The following ZFHX3 variants were observed in gnomAD, a reference collection of about 807,000 sequenced individuals.
ZFHX3 encodes the protein zinc finger homeobox protein 3.
A neutral mutation model predicts 279.1 loss-of-function variants in ZFHX3; 42 were observed. That is an observed-to-expected ratio of 0.15 (90% confidence interval 0.12 to 0.19). ZFHX3 has a LOEUF of 0.19. ZFHX3 is among the 10% of genes least tolerant of loss of function. ZFHX3 has a pLI of 1.00. For missense variants in ZFHX3, 4,981 were observed against 4,754.0 expected (o/e 1.05, Z -1.40); for synonymous variants, 2,293 against 1,957.8 (o/e 1.17, Z -4.52).
chr16:73,589,706 C>A (rs2051971427), intron 2 of ZFHX3, among the ~76,000 whole-genome samples: 1 of 115,912 alleles, frequency 8.6e-6, no homozygotes, highest in African/African-American at 3.2e-5. Flanking sequence ...CTCCATCCAG[C>A]CTGGGTGACA....
At chr16:73,035,911 A>G (rs1964884373) in intron 1 of ZFHX3, among the ~76,000 whole-genome samples, 1 of 152,174 alleles carries the variant, frequency 6.6e-6, no homozygotes, top group Admixed American at 6.5e-5. Flanking sequence ...CTCAAAAACA[A>G]AATAAAAATA....
chr16:73,616,398 A>C (rs1003721048), intron 2 of ZFHX3, among the ~76,000 whole-genome samples: 2 of 139,970 alleles, frequency 1.4e-5, no homozygotes, highest in African/African-American at 5.5e-5. Flanking sequence ...AGCATACTAG[A>C]TCTAATAGCA....
intron 2 of ZFHX3, among the ~76,000 whole-genome samples, chr16:73,552,758 A>G (rs563047198): frequency 1.4e-4 from 21 of 152,320 alleles, no homozygotes; most frequent in Middle Eastern, 3.4e-3. Context: ...CCTGTTTGTC[A>G]TGCTGCATTT....
intron 1 of ZFHX3, among the ~76,000 whole-genome samples, chr16:73,693,981 C>T (rs944403425): frequency 1.3e-5 from 2 of 151,400 alleles, no homozygotes; most frequent in African/African-American, 2.4e-5. Flanking sequence ...TTGTCTCCAA[C>T]TCTGCTGACT....
rs1056973869 is a variant in ZFHX3, at chr16:73,764,909, T to C, written c.-1607-84669A>G. 9.9e-5 allele frequency among the ~76,000 whole-genome samples: 15 copies of C among 152,194 alleles called. 1 individual carries two copies. Among genetic ancestry groups the C allele is most frequent in the Non-Finnish European group, 5.9e-5 (4 of 68,020 alleles). On this transcript the variant is annotated intron_variant, in intron 1 of 17. Coordinates refer to the ZFHX3 transcript ENST00000641206. ...AGGCAGCCAGATTTTAAATCTTCTG[T>C]TTTGTGTCCTCTAGAAGTCAATGCC...
At chr16:73,569,287 G>A (rs1192218351) in intron 2 of ZFHX3, among the ~76,000 whole-genome samples, 1 of 151,978 alleles carries the variant, frequency 6.6e-6, no homozygotes, top group African/African-American at 2.4e-5. Flanking sequence ...CTAGAGTAGT[G>A]AATAACAGCC....
At position 73,353,214 on chromosome 16, in the gene ZFHX3, A is replaced by G. The variant is rs185283978; in HGVS notation, c.-1290-34878T>C. On this transcript the variant is annotated intron_variant, in intron 3 of 17. Coordinates refer to the ZFHX3 transcript ENST00000641206. ...CACAGTTAGAACCCGTCTGCAAGAG[A>G]CAAGAAAAATATTCCCATTTGTTTA... Among the ~76,000 whole-genome samples, 297 of 152,344 alleles carry G rather than the reference A, an allele frequency of 1.9e-3. 1 individual carries two copies. Among genetic ancestry groups the G allele is most frequent in the African/African-American group, 6.7e-3 (278 of 41,578 alleles).
chr16:73,045,826 G>A (rs1476378198), intron 1 of ZFHX3, among the ~76,000 whole-genome samples: 2 of 149,504 alleles, frequency 1.3e-5, no homozygotes, highest in African/African-American at 2.5e-5. Flanking sequence ...TGTTGAGAGA[G>A]GGAAGTGACC....
intron 5 of ZFHX3, among the ~76,000 whole-genome samples, chr16:73,200,203 T>C (rs922876004): frequency 5.3e-5 from 8 of 152,266 alleles, no homozygotes; most frequent in African/African-American, 1.4e-4. Context: ...TTCTGATTAA[T>C]AGTAGTAAAT....
At chr16:73,887,050 G>T (rs2030370086) in intron 1 of ZFHX3, among the ~76,000 whole-genome samples, 1 of 152,120 alleles carries the variant, frequency 6.6e-6, no homozygotes, top group Admixed American at 6.5e-5. Flanking sequence ...AAATCCATAT[G>T]GTCACCTGAG....
At chr16:72,919,537 CTTTATT>C (rs2039528089) in intron 3 of ZFHX3, among the ~76,000 whole-genome samples, 1 of 151,406 alleles carries the variant, frequency 6.6e-6, no homozygotes, top group Admixed American at 6.6e-5. Flanking sequence ...CAGGTGGTAT[CTTTATT>C]TTTAAGAAAG....
At chr16:73,106,520 C>T (rs991731665) in intron 7 of ZFHX3, among the ~76,000 whole-genome samples, 4 of 152,130 alleles carry the variant, frequency 2.6e-5, no homozygotes, top group South Asian at 2.1e-4. Context: ...TATCTGATAT[C>T]ATCCCTTTAT....
intron 1 of ZFHX3, among the ~76,000 whole-genome samples, chr16:73,824,736 AT>A (rs1331352961): frequency 4.2e-5 from 3 of 71,480 alleles, no homozygotes; most frequent in East Asian, 4.1e-4. Flanking sequence ...TGAACTCATC[AT>A]TTTTTATGGC....
intron 2 of ZFHX3, among the ~76,000 whole-genome samples, chr16:73,527,053 T>C (rs549414300): frequency 1.7e-4 from 26 of 152,246 alleles, no homozygotes; most frequent in African/African-American, 5.3e-4. Context: ...AGAAGGGCTT[T>C]TTCCTTTCTC....
intron 5 of ZFHX3, among the ~76,000 whole-genome samples, chr16:72,825,936 T>A (rs1274402035): frequency 6.6e-6 from 1 of 152,204 alleles, no homozygotes; most frequent in Non-Finnish European, 1.5e-5. Context: ...AAAAGTTCCA[T>A]TCGACAGCAC....
At chr16:72,954,065 G>A (rs923270319) in intron 2 of ZFHX3, among the ~76,000 whole-genome samples, 1 of 152,150 alleles carries the variant, frequency 6.6e-6, no homozygotes, top group African/African-American at 2.4e-5. Context: ...ACAGGAGCAG[G>A]GCCCCTATAA....
chr16:72,949,917 T>C (rs1259979980), intron 3 of ZFHX3, among the ~76,000 whole-genome samples: 2 of 145,670 alleles, frequency 1.4e-5, no homozygotes. Context: ...TTTTCTTTTT[T>C]TTTTTTTTTT....
At chr16:73,756,841 G>A (rs985348561) in intron 1 of ZFHX3, among the ~76,000 whole-genome samples, 2 of 151,846 alleles carry the variant, frequency 1.3e-5, no homozygotes, top group Non-Finnish European at 2.9e-5. Context: ...TCTTTTCAGG[G>A]TATTGGTCCA....
chr16:73,366,065 A>G (rs1012526460), intron 3 of ZFHX3, among the ~76,000 whole-genome samples: 14 of 152,260 alleles, frequency 9.2e-5, no homozygotes, highest in Non-Finnish European at 2.1e-4. Context: ...CTGCACAGGC[A>G]GGAAGGTTAG....
Sources: gnomAD v4.1 joint callset for allele counts (sites outside exome capture counted in the v4.1 genomes callset) on GRCh38, gnomAD v4.1.1 for gene constraint, MANE v1.5 for transcripts, NCBI Gene and HGNC (gene_info 2026-07-23, HGNC 2026-07-21) for gene names.